The following REC114 variants were observed in gnomAD, a reference collection of about 807,000 sequenced individuals.
The protein encoded by REC114 is REC114 meiotic recombination protein.
In REC114, 27 loss-of-function variants were observed where a neutral mutation model predicts 31.3. That is an observed-to-expected ratio of 0.86 (90% CI 0.64 to 1.19). The LOEUF (loss-of-function observed/expected upper bound fraction) is 1.19. Among genes scored for constraint, REC114 ranks in the 50% most tolerant of loss-of-function variants. The pLI is 0.00. For synonymous variants in REC114, 134 were observed against 127.7 expected, an observed-to-expected ratio of 1.05 and a Z score of -0.33; for missense variants, 344 against 326.9, an observed-to-expected ratio of 1.05 and a Z score of -0.40.
intron 2 of REC114, among the ~76,000 whole-genome samples, chr15:73,516,018 C>T (rs1199078211): frequency 6.6e-6 from 1 of 150,742 alleles, no homozygotes; most frequent in Non-Finnish European, 1.5e-5. Context: ...CAGAGTTTTG[C>T]TCTTGTCACC....
At chr15:73,517,713 A>C (rs1351050111) in intron 2 of REC114, among the ~76,000 whole-genome samples, 2 of 152,252 alleles carry the variant, frequency 1.3e-5, no homozygotes, top group Admixed American at 6.5e-5. Context: ...CAGGGATGTC[A>C]GTTCCACTTG....
chr15:73,491,687 C>G (rs188518767), intron 2 of REC114, among the ~76,000 whole-genome samples: 2 of 152,182 alleles, frequency 1.3e-5, no homozygotes, highest in Non-Finnish European at 2.9e-5. Flanking sequence ...CACATGAAGT[C>G]AGGAGTTTGA....
rs755383502 is a variant in REC114, at chr15:73,443,169, G to T, written c.-17G>T. 6.5e-7 allele frequency: 1 copy of T among 1,547,140 alleles called. No homozygotes were observed. Among genetic ancestry groups the T allele is most frequent in the Non-Finnish European group, 8.7e-7 (1 of 1,148,432 alleles). ...ATTGGCAGGTCCCCGCCGGCAGTGC[G>T]TGTGGTGAGGCAGGACATGGCGGAG... On this transcript the variant is annotated 5_prime_UTR_variant, in exon 1 of 6. Coordinates refer to ENST00000331090, the MANE Select transcript of REC114 (RefSeq NM_001042367.2).
chr15:73,452,933 C>T (rs549169008), intron 1 of REC114, among the ~76,000 whole-genome samples: 2 of 152,182 alleles, frequency 1.3e-5, no homozygotes, highest in East Asian at 1.9e-4. Flanking sequence ...TAGCCATATG[C>T]AGAAAGCTGA....
At chr15:73,529,653 G>GT (rs1894050645) in intron 2 of REC114, among the ~76,000 whole-genome samples, 2 of 152,228 alleles carry the variant, frequency 1.3e-5, no homozygotes, top group South Asian at 4.1e-4. Context: ...AAAACTTAGA[G>GT]TTTAAAATAA....
intron 3 of REC114, among the ~76,000 whole-genome samples, chr15:73,542,476 C>T (rs150982409): frequency 9.8e-4 from 149 of 152,156 alleles, no homozygotes; most frequent in South Asian, 7.0e-3. Context: ...GTTGCTGCAG[C>T]TCTACTATAT....
chr15:73,522,024 T>G (rs898172890), intron 2 of REC114, among the ~76,000 whole-genome samples: 3 of 152,184 alleles, frequency 2.0e-5, no homozygotes, highest in Non-Finnish European at 4.4e-5. Context: ...TGTTTAAAAA[T>G]CAATGTGTTT....
intron 2 of REC114, among the ~76,000 whole-genome samples, chr15:73,486,962 G>A (rs981818286): frequency 7.9e-5 from 12 of 151,918 alleles, no homozygotes; most frequent in Admixed American, 5.2e-4. Flanking sequence ...TGGAGGTTGC[G>A]GTGAGCCGAG....
chr15:73,488,159 C>T (rs1384350150), intron 2 of REC114, among the ~76,000 whole-genome samples: 1 of 152,160 alleles, frequency 6.6e-6, no homozygotes, highest in African/African-American at 2.4e-5. Flanking sequence ...TGGGGCCCTC[C>T]CTTAAAACTG....
At position 73,559,823 on chromosome 15, in the gene REC114, C is replaced by G. The variant is rs1394880359; in HGVS notation, c.708C>G (p.Pro236=). The change falls in exon 6 of 6, where the codon CCC becomes CCG. Residue 236 remains proline, a synonymous_variant. Coordinates refer to ENST00000331090, the MANE Select transcript of REC114 (RefSeq NM_001042367.2). ...QSAWGAEELG[P]FLRLCLMDQN... ...CATGGGGTGCAGAAGAGTTAGGCCCCTTCCTACGTTTGTGCCTTATGGATC... is the reference window on the plus strand; with the variant it reads ...CATGGGGTGCAGAAGAGTTAGGCCCGTTCCTACGTTTGTGCCTTATGGATC... The G allele has an allele frequency of 6.2e-7, 1 of 1,612,930 alleles. No homozygotes were observed. The highest frequency in any genetic ancestry group is 1.1e-5 in the South Asian group (1 of 90,900).
At chr15:73,458,656 C>T (rs1312589384) in intron 1 of REC114, among the ~76,000 whole-genome samples, 1 of 152,156 alleles carries the variant, frequency 6.6e-6, no homozygotes, top group South Asian at 2.1e-4. Flanking sequence ...GCCATGGTCT[C>T]ACAGTCTGAG....
intron 2 of REC114, among the ~76,000 whole-genome samples, chr15:73,526,632 T>C (rs573948123): frequency 7.0e-4 from 107 of 152,324 alleles, no homozygotes; most frequent in Non-Finnish European, 1.2e-3. Flanking sequence ...TGTTGTCATA[T>C]AGAGCATATT....
chr15:73,516,266 G>A (rs1893857302), intron 2 of REC114, among the ~76,000 whole-genome samples: 1 of 151,992 alleles, frequency 6.6e-6, no homozygotes, highest in Non-Finnish European at 1.5e-5. Context: ...AATTATAAGT[G>A]TGAGCCACCT....
At chr15:73,483,748 A>G (rs1893327768) in intron 2 of REC114, 2 of 152,368 alleles carry the variant, frequency 1.3e-5, no homozygotes, top group Non-Finnish European at 2.9e-5. Flanking sequence ...AGCAGCATGG[A>G]AAGGGGAAGG....
chr15:73,503,432 A>C (rs1893629116), intron 2 of REC114, among the ~76,000 whole-genome samples: 1 of 152,176 alleles, frequency 6.6e-6, no homozygotes, highest in South Asian at 2.1e-4. Context: ...TTAAGGATGT[A>C]ACTGAAATAT....
At chr15:73,470,759 G>T (rs1311247200) in intron 1 of REC114, among the ~76,000 whole-genome samples, 2 of 152,106 alleles carry the variant, frequency 1.3e-5, no homozygotes, top group Non-Finnish European at 2.9e-5. Flanking sequence ...TAACATGGGG[G>T]AGTTTTCAGA....
intron 3 of REC114, among the ~76,000 whole-genome samples, chr15:73,544,162 T>A (rs1006133136): frequency 2.0e-5 from 3 of 152,226 alleles, no homozygotes; most frequent in African/African-American, 7.2e-5. Flanking sequence ...CAATTATAGT[T>A]TATTTAATAC....
At chr15:73,445,896 A>G (rs1172933289) in intron 1 of REC114, among the ~76,000 whole-genome samples, 1 of 152,220 alleles carries the variant, frequency 6.6e-6, no homozygotes, top group African/African-American at 2.4e-5. Context: ...AATTACCAAA[A>G]TGTGATACAG....
chr15:73,494,296 C>T (rs1004586506), intron 2 of REC114, among the ~76,000 whole-genome samples: 1 of 152,070 alleles, frequency 6.6e-6, no homozygotes, highest in Non-Finnish European at 1.5e-5. Context: ...CGAGATCTCG[C>T]TACTGCACTC....
Sources: gnomAD v4.1 joint callset for allele counts (sites outside exome capture counted in the v4.1 genomes callset) on GRCh38, gnomAD v4.1.1 for gene constraint, MANE v1.5 for transcripts, NCBI Gene and HGNC (gene_info 2026-07-23, HGNC 2026-07-21) for gene names.